GPHN: variants seen among roughly 807,000 people sequenced by gnomAD.
The protein encoded by GPHN is gephyrin.
Under a neutral mutation model 95.5 loss-of-function variants are expected in GPHN, and 17 were observed. The observed-to-expected ratio is 0.18, with a 90% CI of 0.12 to 0.27. The LOEUF (loss-of-function observed/expected upper bound fraction) is 0.27, where lower values mean the gene tolerates loss of function less well. Among genes scored for constraint, GPHN ranks in the 10% least tolerant of loss-of-function variants. GPHN has a pLI of 1.00. For synonymous variants in GPHN, 320 were observed against 322.5 expected, an observed-to-expected ratio of 0.99 and a Z score of 0.08; for missense variants, 660 against 978.1, an observed-to-expected ratio of 0.67 and a Z score of 4.34.
At chr14:67,560,021 TTTTA>T in the GPHN span, among the ~76,000 whole-genome samples, 2 of 152,030 alleles carry the variant, frequency 1.3e-5, no homozygotes, top group Admixed American at 6.6e-5. Context: ...TCTCTTTTAT[TTTTA>T]TTTATTTATT....
chr14:67,324,302 A>G, the GPHN span, among the ~76,000 whole-genome samples: 7 of 152,232 alleles, frequency 4.6e-5, no homozygotes, highest in African/African-American at 1.7e-4. Flanking sequence ...TCCATGTCAT[A>G]TTAAACATTA....
intron 18 of GPHN, among the ~76,000 whole-genome samples, chr14:67,144,791 A>G (rs879521712): frequency 2.0e-5 from 3 of 152,202 alleles, no homozygotes; most frequent in Non-Finnish European, 4.4e-5. Context: ...TGAACAGAAG[A>G]ATGCCTGCCT....
At position 66,965,235 on chromosome 14, in the gene GPHN, A is replaced by G. The variant is rs759772420; in HGVS notation, c.873A>G (p.Arg291=). Residue 291 remains arginine, a synonymous_variant, in exon 9 of 23, where the codon CGA becomes CGG. Coordinates refer to ENST00000478722, the MANE Select transcript of GPHN (RefSeq NM_020806.5). ...CTCGTGGTGTTCAGGTGCTCCCACG[A>G]GACACAGCCTCCCTCAGCACTACTC... ...IISRGVQVLP[R]DTASLSTTPS... 6.2e-7 allele frequency: 1 copy of G among 1,611,804 alleles called. No homozygotes were observed. The highest frequency in any genetic ancestry group is 1.1e-5 in the South Asian group (1 of 91,050).
chr14:67,181,818 C>T (rs1335402471), downstream of GPHN: 1 of 180,218 alleles, frequency 5.5e-6, no homozygotes, highest in Non-Finnish European at 1.2e-5. Flanking sequence ...ATGTGTTGGC[C>T]TCGTTATTTA....
At chr14:67,729,147 G>A in the GPHN span, 1 of 1,595,034 alleles carries the variant, frequency 6.3e-7, no homozygotes. Context: ...GTTTTCCTGG[G>A]CTCAGAGTGT....
At chr14:67,427,418 C>T in the GPHN span, among the ~76,000 whole-genome samples, 1 of 152,176 alleles carries the variant, frequency 6.6e-6, no homozygotes, top group Non-Finnish European at 1.5e-5. Flanking sequence ...CGTGGAAATG[C>T]GGCCTTCGGC....
At chr14:67,541,807 T>C in the GPHN span, 2 of 1,455,724 alleles carry the variant, frequency 1.4e-6, no homozygotes, top group Admixed American at 2.4e-5. Flanking sequence ...TATTTATCTT[T>C]TCCTCTTTCT....
the GPHN span, among the ~76,000 whole-genome samples, chr14:67,230,433 A>G: frequency 6.6e-6 from 1 of 152,124 alleles, no homozygotes; most frequent in African/African-American, 2.4e-5. Context: ...TAAGCTGGGT[A>G]TGATGGCCCA....
chr14:67,118,754 C>A lies in GPHN; in HGVS notation c.1627-3502C>A, dbSNP rs1353202366. ...CTCAAAAAAAAAAAAAGATTCATCC[C>A]TCCAGGGGTCGCGGGGGGAGTTACC... On this transcript the variant is annotated intron_variant, in intron 16 of 22. Coordinates refer to ENST00000478722, the MANE Select transcript of GPHN (RefSeq NM_020806.5). 2.0e-5 allele frequency among the ~76,000 whole-genome samples: 3 copies of A among 152,106 alleles called. No individual in the cohort carries two copies. In the East Asian group the frequency reaches 5.8e-4, roughly 29 times the overall value.
chr14:67,251,977 G>C, the GPHN span, among the ~76,000 whole-genome samples: 244 of 152,242 alleles, frequency 1.6e-3, no homozygotes, highest in African/African-American at 5.6e-3. Flanking sequence ...ACAGTGTTTG[G>C]AGAGATTCTG....
chr14:66,709,211 G>A lies in GPHN; in HGVS notation c.143+28026G>A, dbSNP rs934436095. 8.9e-5 allele frequency: 30 copies of A among 336,832 alleles called. No individual in the cohort carries two copies. The Admixed American group carries it at 9.5e-4, about 11-fold the overall frequency. 20.9% of individuals were successfully genotyped at this position (336,832 alleles called of 1,614,324 possible). A position where few individuals can be genotyped will look rare whatever the true frequency, so the allele number is the denominator to read the frequency against. ...ACAGCTTTCAATAACTAAAAGATTA[G>A]CAGCCTTTTCTAAACAACCATTCTT... On this transcript the variant is annotated intron_variant, in intron 2 of 22. Transcript: ENST00000478722.
At chr14:67,025,244 C>T (rs1237655971) in intron 10 of GPHN, among the ~76,000 whole-genome samples, 2 of 152,146 alleles carry the variant, frequency 1.3e-5, no homozygotes, top group African/African-American at 4.8e-5. Context: ...ACCAATAACA[C>T]TACTATTTGT....
chr14:66,773,511 G>A lies in GPHN; in HGVS notation c.144-2953G>A, dbSNP rs1380956028. On this transcript the variant is annotated intron_variant, in intron 2 of 22. Transcript: ENST00000478722. Reference sequence around the variant, plus strand: ...TGGGATTACGGGTGCTCGCCACCACGCCCAGCTAATTTTTGTATTTTTAGT... The same window carrying A: ...TGGGATTACGGGTGCTCGCCACCACACCCAGCTAATTTTTGTATTTTTAGT... 4.6e-5 allele frequency among the ~76,000 whole-genome samples: 7 copies of A among 151,846 alleles called. No individual in the cohort carries two copies. The East Asian group carries it at 1.4e-3, about 29-fold the overall frequency.
the GPHN span, among the ~76,000 whole-genome samples, chr14:67,194,425 A>T: frequency 6.6e-6 from 1 of 152,018 alleles, no homozygotes; most frequent in South Asian, 2.1e-4. Context: ...AAAATATACG[A>T]TGATGAGGGG....
intron 2 of GPHN, among the ~76,000 whole-genome samples, chr14:66,701,398 A>G (rs2068543449): frequency 6.6e-6 from 1 of 152,220 alleles, no homozygotes; most frequent in South Asian, 2.1e-4. Context: ...TAGAAACAGT[A>G]GCAATTGGAT....
the GPHN span, among the ~76,000 whole-genome samples, chr14:67,314,827 A>G: frequency 1.3e-5 from 2 of 152,216 alleles, no homozygotes; most frequent in South Asian, 4.1e-4. Flanking sequence ...CTGGTGGCTC[A>G]CACCTGTAAT....
At chr14:67,440,158 C>A in the GPHN span, among the ~76,000 whole-genome samples, 1 of 152,290 alleles carries the variant, frequency 6.6e-6, no homozygotes, top group Non-Finnish European at 1.5e-5. Flanking sequence ...TTATGAGAAG[C>A]ATCTGCATTT....
intron 8 of GPHN, among the ~76,000 whole-genome samples, chr14:66,942,555 A>G (rs1286688892): frequency 2.0e-5 from 3 of 152,242 alleles, no homozygotes; most frequent in South Asian, 2.1e-4. Context: ...CCATTGACAG[A>G]GAAGTTTGGT....
intron 1 of GPHN, among the ~76,000 whole-genome samples, chr14:66,541,841 T>G (rs1057438803): frequency 6.6e-6 from 1 of 152,210 alleles, no homozygotes; most frequent in Admixed American, 6.5e-5. Flanking sequence ...ATGGACAGAA[T>G]GATGTGAATG....
Sources: allele counts gnomAD v4.1 joint callset (sites outside exome capture counted in the v4.1 genomes callset), GRCh38; gene constraint gnomAD v4.1.1; transcripts MANE v1.5; gene names NCBI Gene and HGNC (gene_info 2026-07-23, HGNC 2026-07-21).